Variants in GRID2 observed in about 807,000 individuals in gnomAD.
GRID2 encodes glutamate receptor ionotropic, delta-2.
Under a neutral mutation model 114.8 loss-of-function variants are expected in GRID2, and 33 were observed. The ratio of observed to expected loss-of-function variants is 0.29; its 90% CI spans 0.22 to 0.38. GRID2 has a LOEUF of 0.38. Among genes scored for constraint, GRID2 ranks in the 10% least tolerant of loss-of-function variants. GRID2 has a pLI of 1.00. For synonymous variants in GRID2, 505 were observed against 449.9 expected (o/e 1.12, Z -1.55); for missense variants, 1,184 against 1,257.7 (o/e 0.94, Z 0.89).
At chr4:93,592,387 T>G (rs1444225392) in intron 13 of GRID2, among the ~76,000 whole-genome samples, 1 of 152,266 alleles carries the variant, frequency 6.6e-6, no homozygotes, top group Non-Finnish European at 1.5e-5. Flanking sequence ...TTCTTAATCC[T>G]GAGTTCTAAT....
At chr4:93,238,607 A>T in intron 8 of GRID2, 117 bp downstream of exon 8, 17 of 619,396 alleles carry the variant, frequency 2.7e-5, no homozygotes, top group Middle Eastern at 3.0e-4. Context: ...GTGAAAGAGA[A>T]AGCAGGGGGT....
intron 8 of GRID2, among the ~76,000 whole-genome samples, chr4:93,337,765 A>G (rs1759238661): frequency 6.6e-6 from 1 of 152,252 alleles, no homozygotes; most frequent in Non-Finnish European, 1.5e-5. Context: ...AAAAATGTTT[A>G]TATGAGTAAA....
chr4:93,399,988 A>T (rs969850703), intron 9 of GRID2, among the ~76,000 whole-genome samples: 5 of 152,138 alleles, frequency 3.3e-5, no homozygotes, highest in Admixed American at 3.3e-4. Context: ...ATAAAATTTC[A>T]TATGAGTGGC....
At chr4:93,771,626 AC>A (rs1265770306) in intron 15 of GRID2, among the ~76,000 whole-genome samples, 1 of 152,168 alleles carries the variant, frequency 6.6e-6, no homozygotes, top group African/African-American at 2.4e-5. Flanking sequence ...AAGAATGGAA[AC>A]TTAAGTTTAG....
At chr4:92,556,013 T>C (rs922400227) in intron 1 of GRID2, among the ~76,000 whole-genome samples, 1 of 152,108 alleles carries the variant, frequency 6.6e-6, no homozygotes, top group African/African-American at 2.4e-5. Context: ...CTCTTACCCA[T>C]GACAATGGGC....
chr4:92,727,313 T>C (rs1736115582), intron 2 of GRID2, among the ~76,000 whole-genome samples: 1 of 152,016 alleles, frequency 6.6e-6, no homozygotes, highest in Non-Finnish European at 1.5e-5. Context: ...AATATAAATT[T>C]ATAAATTTAT....
chr4:93,575,527 G>A (rs1736343549), intron 13 of GRID2, among the ~76,000 whole-genome samples: 1 of 152,060 alleles, frequency 6.6e-6, no homozygotes, highest in Non-Finnish European at 1.5e-5. Flanking sequence ...AGCCATTGTG[G>A]CCCTGAGCAA....
intron 14 of GRID2, among the ~76,000 whole-genome samples, chr4:93,628,355 A>G (rs1742920485): frequency 6.6e-6 from 1 of 152,166 alleles, no homozygotes; most frequent in Non-Finnish European, 1.5e-5. Flanking sequence ...TATGTATATA[A>G]TATCAGTATT....
rs1165100885 is a variant in GRID2 at position 93,793,713 on chromosome 4, C to T, written c.222-13002C>T. ...TGCTACTTAGTACTTTTGTGAACAA[C>T]ACACATAAGTCAAGAAGAATTTTCC... is the stretch of plus-strand genomic sequence containing the variant. On this transcript the variant is annotated intron_variant, in intron 1 of 1. Transcript: ENST00000637838. 2.6e-5 allele frequency among the ~76,000 whole-genome samples: 4 copies of T among 152,170 alleles called. No homozygotes were observed. The South Asian group carries it at 6.2e-4, about 24-fold the overall frequency.
intron 2 of GRID2, among the ~76,000 whole-genome samples, chr4:93,029,142 T>A (rs1246484854): frequency 4.6e-5 from 7 of 152,088 alleles, no homozygotes; most frequent in Non-Finnish European, 1.0e-4. Context: ...AAATAAATTA[T>A]AAACTCTCCA....
intron 1 of GRID2, among the ~76,000 whole-genome samples, chr4:92,375,623 G>A (rs1186648091): frequency 6.6e-6 from 1 of 151,808 alleles, no homozygotes; most frequent in Non-Finnish European, 1.5e-5. Flanking sequence ...AAGGTATCAT[G>A]TTGAACACAT....
intron 4 of GRID2, among the ~76,000 whole-genome samples, chr4:93,157,142 G>A (rs1476405065): frequency 6.6e-6 from 1 of 151,640 alleles, no homozygotes; most frequent in Non-Finnish European, 1.5e-5. Context: ...TGGTAGTTGT[G>A]TTCTCAGTAA....
intron 2 of GRID2, among the ~76,000 whole-genome samples, chr4:92,798,558 A>G (rs1354977154): frequency 1.3e-5 from 2 of 152,044 alleles, no homozygotes; most frequent in Non-Finnish European, 2.9e-5. Context: ...ATGATTTACA[A>G]GAATGACAGA....
intron 14 of GRID2, among the ~76,000 whole-genome samples, chr4:93,702,840 G>A (rs1481088779): frequency 6.6e-6 from 1 of 152,110 alleles, no homozygotes; most frequent in Non-Finnish European, 1.5e-5. Context: ...GCATTCTAAT[G>A]TGGGGAGACA....
intron 14 of GRID2, among the ~76,000 whole-genome samples, chr4:93,671,578 T>G (rs183857024): frequency 7.9e-4 from 121 of 152,290 alleles, no homozygotes; most frequent in African/African-American, 2.6e-3. Flanking sequence ...GGTGATAATT[T>G]CTATCTACCT....
At chr4:93,204,071 T>C (rs560144112) in intron 4 of GRID2, 39 of 152,254 alleles carry the variant, frequency 2.6e-4, no homozygotes, top group African/African-American at 8.4e-4. Flanking sequence ...ACCCTTGACT[T>C]TGCTTAAAAA....
At chr4:92,658,429 A>T (rs538541894) in intron 2 of GRID2, among the ~76,000 whole-genome samples, 4 of 151,798 alleles carry the variant, frequency 2.6e-5, no homozygotes, top group Non-Finnish European at 5.9e-5. Context: ...AGAAAAAAGG[A>T]TTGCACAGGG....
intron 11 of GRID2, among the ~76,000 whole-genome samples, chr4:93,471,915 G>A (rs1189073640): frequency 1.3e-5 from 2 of 149,296 alleles, no homozygotes; most frequent in African/African-American, 2.5e-5. Flanking sequence ...GGTCAGGCTG[G>A]TCTCGAACTC....
chr4:92,955,498 T>C (rs1752337268), intron 2 of GRID2, among the ~76,000 whole-genome samples: 1 of 152,086 alleles, frequency 6.6e-6, no homozygotes, highest in South Asian at 2.1e-4. Flanking sequence ...TTGAGTTCAT[T>C]GTAGATTCTG....
Sources: allele counts gnomAD v4.1 joint callset (sites outside exome capture counted in the v4.1 genomes callset), GRCh38; gene constraint gnomAD v4.1.1; transcripts MANE v1.5; gene names NCBI Gene and HGNC (gene_info 2026-07-23, HGNC 2026-07-21).